Variants in ADAM19 observed in about 807,000 individuals in gnomAD.
ADAM19 encodes the protein disintegrin and metalloproteinase domain-containing protein 19.
A neutral mutation model predicts 114.7 loss-of-function variants in ADAM19; 65 were observed. The ratio of observed to expected loss-of-function variants is 0.57; its 90% CI spans 0.46 to 0.70. The LOEUF (loss-of-function observed/expected upper bound fraction) is 0.70. Ranked by LOEUF, ADAM19 falls within the 30% of genes least tolerant of loss-of-function variation. The pLI is 0.00. For synonymous variants in ADAM19, 466 were observed against 460.5 expected, an observed-to-expected ratio of 1.01 and a Z score of -0.15; for missense variants, 1,063 against 1,204.7, an observed-to-expected ratio of 0.88 and a Z score of 1.74.
At position 157,548,107 on chromosome 5, in the gene ADAM19, A is replaced by G. The variant is rs138725997; in HGVS notation, c.252-10116T>C. On this transcript the variant is annotated intron_variant, in intron 3 of 22. Transcript: ENST00000257527. ...CTGTGCTGCCTGGCACATACTCCCT[A>G]TTGTATGAGCCAACTCTGCCACACT... Among the ~76,000 whole-genome samples, 726 of 152,106 alleles carry G rather than the reference A, an allele frequency of 4.8e-3. 4 individuals are homozygous for G. Among genetic ancestry groups the G allele is most frequent in the Non-Finnish European group, 7.8e-3 (527 of 67,996 alleles).
rs139113449 is a variant in ADAM19 at position 157,509,390 on chromosome 5, T to C, written c.816A>G (p.Ser272=). 1.9e-6 allele frequency: 3 copies of C among 1,613,712 alleles called. No homozygotes were observed. Among genetic ancestry groups the C allele is most frequent in the Non-Finnish European group, 2.5e-6 (3 of 1,179,814 alleles). ...VWTHGNMCEV[S]ENPYSTLWSF... The stretch of plus-strand genomic sequence containing the variant: ...ACCAGAGGGTAGAATATGGATTCTC[T>C]GAAACTTCACACATGTTCCCGTGGG... The change falls in exon 9 of 23, where the codon TCA becomes TCG. Residue 272 remains serine, a synonymous_variant. Coordinates refer to ENST00000257527, the MANE Select transcript of ADAM19 (RefSeq NM_033274.5).
chr5:157,549,999 C>T (rs1757145285), intron 3 of ADAM19, among the ~76,000 whole-genome samples: 1 of 152,180 alleles, frequency 6.6e-6, no homozygotes, highest in African/African-American at 2.4e-5. Flanking sequence ...GTCAAAAAGA[C>T]CACATATTGT....
intron 3 of ADAM19, among the ~76,000 whole-genome samples, chr5:157,551,795 T>G (rs1270833169): frequency 6.6e-6 from 1 of 151,244 alleles, no homozygotes; most frequent in African/African-American, 2.4e-5. Context: ...AAAGAAGGCA[T>G]AAAAATGGCA....
intron 8 of ADAM19, among the ~76,000 whole-genome samples, chr5:157,511,918 C>A (rs1755933895): frequency 6.6e-6 from 1 of 152,220 alleles, no homozygotes; most frequent in South Asian, 2.1e-4. Flanking sequence ...TCTCTTCTCC[C>A]TTCACTTGTC....
chr5:157,534,591 G>A, intron 4 of ADAM19, among the ~76,000 whole-genome samples: 1 of 152,184 alleles, frequency 6.6e-6, no homozygotes, highest in Non-Finnish European at 1.5e-5. Flanking sequence ...CTAGGAGTTT[G>A]AGGCTGCAGT....
At position 157,497,590 on chromosome 5, in the gene ADAM19, C is replaced by CACACACACACACACACAT. The variant is rs372261868; in HGVS notation, c.1399-502_1399-501insATGTGTGTGTGTGTGTGT. Among the ~76,000 whole-genome samples, 670 of 151,458 alleles carry CACACACACACACACACAT rather than the reference C, an allele frequency of 4.4e-3. 5 individuals are homozygous for CACACACACACACACACAT. Among genetic ancestry groups the CACACACACACACACACAT allele is most frequent in the African/African-American group, 0.012 (513 of 41,120 alleles). ...ACTAATACACACACACACACACACA[C>CACACACACACACACACAT]ACACACACAAAACTAGCATTCACAT... On this transcript the variant is annotated intron_variant, in intron 13 of 22. Transcript: ENST00000257527.
intron 3 of ADAM19, among the ~76,000 whole-genome samples, chr5:157,539,356 A>C (rs1326690052): frequency 6.6e-6 from 1 of 152,228 alleles, no homozygotes; most frequent in Non-Finnish European, 1.5e-5. Flanking sequence ...GGCTGAGGCC[A>C]GCACAGAAAG....
intron 21 of ADAM19, among the ~76,000 whole-genome samples, chr5:157,484,835 C>T (rs544582676): frequency 3.3e-5 from 5 of 152,200 alleles, no homozygotes; most frequent in Non-Finnish European, 7.3e-5. Context: ...CTGGGAAAGG[C>T]TGTGCTCCCA....
chr5:157,534,998 G>C (rs920691296), intron 4 of ADAM19, among the ~76,000 whole-genome samples: 1 of 152,022 alleles, frequency 6.6e-6, no homozygotes, highest in Admixed American at 6.6e-5. Context: ...ACTGAACTTG[G>C]GCAAGTTACT....
intron 3 of ADAM19, among the ~76,000 whole-genome samples, chr5:157,544,631 C>T (rs992608421): frequency 3.3e-5 from 5 of 152,214 alleles, no homozygotes; most frequent in Non-Finnish European, 2.9e-5. Context: ...CTGCGGGGCC[C>T]TCAAAATGGC....
At chr5:157,544,047 G>A (rs1293191166) in intron 3 of ADAM19, among the ~76,000 whole-genome samples, 1 of 152,212 alleles carries the variant, frequency 6.6e-6, no homozygotes, top group Non-Finnish European at 1.5e-5. Flanking sequence ...CAAAGGCATG[G>A]CCCTAAAGCC....
rs952947999 is a variant in ADAM19 at position 157,530,861 on chromosome 5, G to A, written c.353C>T (p.Thr118Met). ...KLEDHCFYHG[T>M]VRETELSSVT... ...GCTGGACAGTTCTGTCTCCCTCACC[G>A]TGCCGTGGTAAAAGCAGTGATCCTA... The change falls in exon 5 of 23, where the codon ACG becomes ATG. Residue 118 changes from threonine (T) to methionine (M), a missense_variant. This residue lies in a region of ADAM19 where 615 missense variants were observed against 706.3 expected (regional missense o/e 0.87). Transcript: ENST00000257527. 30 of 1,614,162 alleles carry A rather than the reference G, an allele frequency of 1.9e-5. No individual in the cohort carries two copies. Among genetic ancestry groups the A allele is most frequent in the Middle Eastern group, 1.7e-4 (1 of 6,060 alleles).
At chr5:157,496,059 C>A (rs534520484) in intron 14 of ADAM19, among the ~76,000 whole-genome samples, 3 of 151,510 alleles carry the variant, frequency 2.0e-5, no homozygotes, top group African/African-American at 7.3e-5. Context: ...CCCACCTCAG[C>A]CTCCTGAGTA....
intron 3 of ADAM19, among the ~76,000 whole-genome samples, chr5:157,540,678 C>T (rs1581340737): frequency 1.3e-5 from 2 of 152,140 alleles, no homozygotes; most frequent in South Asian, 2.1e-4. Flanking sequence ...TGAATAAACT[C>T]GCAAACGAAT....
chr5:157,509,606 C>T (rs1294985991), intron 8 of ADAM19, 139 bp from the exon 9 acceptor site: 1 of 747,652 alleles, frequency 1.3e-6, no homozygotes, highest in East Asian at 3.2e-5. Flanking sequence ...AAAAAAAAAG[C>T]TCCTTCCTAG....
At position 157,480,971 on chromosome 5, in the gene ADAM19, C is replaced by T. The variant is rs1356865274; in HGVS notation, c.2735G>A (p.Gly912Glu). The T allele has an allele frequency of 2.5e-6, 4 of 1,614,032 alleles. No homozygotes were observed. The highest frequency in any genetic ancestry group is 1.6e-4 in the Middle Eastern group (1 of 6,084). ...FPEYRSQRAG[G>E]MISSKI ...GGTCTAGATTTTCGAGCTAATCATC[C>T]CTCCAGCCCTCTGTGATCTGTATTC... is the stretch of plus-strand genomic sequence containing the variant. Residue 912 changes from glycine (G) to glutamate (E), a missense_variant, in exon 23 of 23, where the codon GGG becomes GAG. Physicochemically the swap from Gly to Glu is moderately conservative, Grantham distance 98. Coordinates refer to ENST00000257527, the MANE Select transcript of ADAM19 (RefSeq NM_033274.5).
rs905664021 is a variant in ADAM19, at chr5:157,517,520, G to A, written c.666+1303C>T. Reference sequence around the variant, plus strand: ...TGGGGCCTAAACTCACTCTTTAGGTGTCTGCTTCAATGTCAGGGAAGCTTT... The same window carrying A: ...TGGGGCCTAAACTCACTCTTTAGGTATCTGCTTCAATGTCAGGGAAGCTTT... On this transcript the variant is annotated intron_variant, in intron 7 of 22. Coordinates refer to ENST00000257527, the MANE Select transcript of ADAM19 (RefSeq NM_033274.5). 5.3e-5 allele frequency among the ~76,000 whole-genome samples: 8 copies of A among 152,198 alleles called. No homozygotes were observed. In the South Asian group the frequency reaches 1.5e-3, roughly 28 times the overall value.
chr5:157,522,234 A>T (rs1756314795), intron 5 of ADAM19, among the ~76,000 whole-genome samples: 1 of 152,248 alleles, frequency 6.6e-6, no homozygotes, highest in African/African-American at 2.4e-5. Flanking sequence ...AGGCTCAGCA[A>T]GGTTAATTAA....
At chr5:157,541,730 G>A (rs1405222697) in intron 3 of ADAM19, among the ~76,000 whole-genome samples, 1 of 152,090 alleles carries the variant, frequency 6.6e-6, no homozygotes, top group East Asian at 1.9e-4. Context: ...TTCAAACTCA[G>A]GACAATTCCT....
Sources: allele counts gnomAD v4.1 joint callset (sites outside exome capture counted in the v4.1 genomes callset), GRCh38; gene constraint gnomAD v4.1.1; regional missense constraint gnomAD v4.1.1; transcripts MANE v1.5; gene names NCBI Gene and HGNC (gene_info 2026-07-23, HGNC 2026-07-21).